ATAD2B: variants seen among roughly 807,000 people sequenced by gnomAD.
The protein encoded by ATAD2B is ATPase family AAA domain containing 2B.
Under a neutral mutation model 167.6 loss-of-function variants are expected in ATAD2B, and 40 were observed. The observed-to-expected ratio is 0.24, with a 90% CI of 0.19 to 0.31. ATAD2B has a LOEUF of 0.31. Ranked by LOEUF, ATAD2B falls within the 10% of genes least tolerant of loss-of-function variation. The pLI is 1.00. For synonymous variants in ATAD2B, 579 were observed against 596.5 expected, an observed-to-expected ratio of 0.97 and a Z score of 0.43; for missense variants, 1,242 against 1,757.2, an observed-to-expected ratio of 0.71 and a Z score of 5.24.
the ATAD2B span, among the ~76,000 whole-genome samples, chr2:23,730,847 A>C: frequency 6.6e-6 from 1 of 151,810 alleles, no homozygotes; most frequent in South Asian, 2.1e-4. Flanking sequence ...AGCAAGCAGA[A>C]GTGTAGAAAT....
At chr2:23,741,747 A>G in the ATAD2B span, among the ~76,000 whole-genome samples, 12 of 152,324 alleles carry the variant, frequency 7.9e-5, no homozygotes, top group Non-Finnish European at 1.5e-4. Context: ...AAAAGAAACG[A>G]CCATCAGAGT....
intron 8 of ATAD2B, chr2:23,873,086 T>G (rs1696255170): frequency 2.1e-6 from 1 of 486,650 alleles, no homozygotes; most frequent in East Asian, 4.0e-5. Flanking sequence ...GTTGCAAAAA[T>G]TATCTACTTA....
At chr2:23,683,865 C>T in the ATAD2B span, among the ~76,000 whole-genome samples, 3 of 152,286 alleles carry the variant, frequency 2.0e-5, no homozygotes, top group East Asian at 1.9e-4. Flanking sequence ...CCTCCTTTCT[C>T]GGGGTCTCCT....
chr2:23,787,441 T>A (rs1680995012), intron 20 of ATAD2B, among the ~76,000 whole-genome samples: 1 of 151,960 alleles, frequency 6.6e-6, no homozygotes, highest in Admixed American at 6.6e-5. Context: ...AATATTTAGA[T>A]TAACAGGAAG....
At chr2:23,754,816 T>C in intron 25 of ATAD2B, 42 bp from the exon 26 acceptor site, 4 of 1,584,342 alleles carry the variant, frequency 2.5e-6, no homozygotes, top group Non-Finnish European at 2.6e-6. Context: ...AAGTAAAAGT[T>C]AAGAAAAACC....
At chr2:23,918,047 C>CAA (rs112581674) in intron 1 of ATAD2B, among the ~76,000 whole-genome samples, 1 of 149,484 alleles carries the variant, frequency 6.7e-6, no homozygotes, top group Admixed American at 6.7e-5. Context: ...AACTCCATCT[C>CAA]AAAAAAAAGA....
At chr2:23,896,820 A>G (rs1465616908) in intron 1 of ATAD2B, among the ~76,000 whole-genome samples, 1 of 152,120 alleles carries the variant, frequency 6.6e-6, no homozygotes, top group Non-Finnish European at 1.5e-5. Flanking sequence ...TTCTTTCCCT[A>G]TCTTTCATGT....
chr2:23,915,371 C>T (rs1324937175), intron 1 of ATAD2B, among the ~76,000 whole-genome samples: 1 of 151,182 alleles, frequency 6.6e-6, no homozygotes, highest in Non-Finnish European at 1.5e-5. Context: ...CTATCCTAGG[C>T]TAATGGGGAC....
chr2:23,913,500 C>T (rs1363992310), intron 1 of ATAD2B, among the ~76,000 whole-genome samples: 3 of 151,926 alleles, frequency 2.0e-5, no homozygotes, highest in Admixed American at 6.6e-5. Context: ...ATTAGCTGGG[C>T]GTGGGTGCAC....
chr2:23,920,470 A>C (rs1350787154), intron 1 of ATAD2B, among the ~76,000 whole-genome samples: 1 of 152,236 alleles, frequency 6.6e-6, no homozygotes, highest in Non-Finnish European at 1.5e-5. Flanking sequence ...TGATAGTCTC[A>C]AAATGGGTCA....
chr2:23,705,410 TGAA>T, the ATAD2B span, among the ~76,000 whole-genome samples: 1 of 151,884 alleles, frequency 6.6e-6, no homozygotes. Flanking sequence ...GAGAATTGCT[TGAA>T]CCTGGGAGGC....
chr2:23,925,462 T>C lies in ATAD2B; in HGVS notation c.216+1093A>G, dbSNP rs182465134. On this transcript the variant is annotated intron_variant, in intron 1 of 27. Transcript: ENST00000238789. ...TCTTGTAGACCCCTAGAACATAAAA[T>C]ATTGCTTTCCCCCAATAAGAACCAC... is the stretch of plus-strand genomic sequence containing the variant. Among the ~76,000 whole-genome samples, 20 of 152,266 alleles carry C rather than the reference T, an allele frequency of 1.3e-4. No individual in the cohort carries two copies. In the East Asian group the frequency reaches 3.9e-3, roughly 29 times the overall value.
the ATAD2B span, among the ~76,000 whole-genome samples, chr2:23,683,157 C>T: frequency 9.2e-5 from 14 of 152,228 alleles, no homozygotes; most frequent in Non-Finnish European, 1.0e-4. Flanking sequence ...GGAGTCCTGG[C>T]GGGCAGCCGG....
At chr2:23,697,018 C>G in the ATAD2B span, 1 of 159,548 alleles carries the variant, frequency 6.3e-6, no homozygotes, top group African/African-American at 2.4e-5. Flanking sequence ...GCCACACACA[C>G]CAGGACATCT....
Position 23,867,903 on chromosome 2 carries a change from T to C in ATAD2B, c.1120A>G (p.Ile374Val), listed in dbSNP as rs1209578405. The change falls in exon 10 of 28, where the codon ATT becomes GTT. Residue 374 changes from isoleucine to valine, a missense_variant. By Grantham distance (29) the Ile-to-Val change is conservative (BLOSUM62 3). Around this residue, in one of 9 missense-constraint regions of ATAD2B, gnomAD observed 127 missense variants for 146.3 expected, o/e 0.87. Coordinates refer to ENST00000238789, the MANE Select transcript of ATAD2B (RefSeq NM_017552.4). The stretch of plus-strand genomic sequence containing the variant: ...CCCACTTTCACTCGTTCTCGGAGAA[T>C]ACCGCTAGCTAAGTCCTCTGCTCTG... ...NFRAEDLASG[I>V]LRERVKVGAS... 1 of 1,613,848 alleles carries C rather than the reference T, an allele frequency of 6.2e-7. No homozygotes were observed. Among genetic ancestry groups the C allele is most frequent in the African/African-American group, 1.3e-5 (1 of 75,062 alleles).
chr2:23,818,105 AC>A (rs1686763983), intron 17 of ATAD2B, among the ~76,000 whole-genome samples: 1 of 34,608 alleles, frequency 2.9e-5, no homozygotes, highest in African/African-American at 7.3e-5. Context: ...TTACACACAC[AC>A]ACACACACAC....
chr2:23,680,671 C>G, the ATAD2B span, among the ~76,000 whole-genome samples: 14,697 of 139,940 alleles, frequency 0.11, 870 homozygotes, highest in Middle Eastern at 0.18. The surrounding 1 kb of genome is among the most constrained non-coding windows in gnomAD (Gnocchi z 4.1). Flanking sequence ...TTCTCCTGGG[C>G]TCTCTAGGCC....
chr2:23,763,734 T>C (rs1333514670), intron 23 of ATAD2B, among the ~76,000 whole-genome samples: 1 of 152,038 alleles, frequency 6.6e-6, no homozygotes, highest in Admixed American at 6.6e-5. Flanking sequence ...GGATCACAAG[T>C]GTACACCACC....
intron 25 of ATAD2B, 114 bp from the exon 26 acceptor site, chr2:23,754,888 G>T: frequency 1.8e-6 from 2 of 1,108,676 alleles, no homozygotes; most frequent in Admixed American, 2.8e-5. Context: ...ATGAGGAAGG[G>T]TGTATTCTTA....
Sources: gnomAD v4.1 joint callset for allele counts (sites outside exome capture counted in the v4.1 genomes callset) on GRCh38, gnomAD v4.1.1 for gene constraint, gnomAD v4.1.1 regional missense constraint, Gnocchi (gnomAD v3.1) non-coding constraint, MANE v1.5 for transcripts, NCBI Gene and HGNC (gene_info 2026-07-23, HGNC 2026-07-21) for gene names.